Variants in YIF1B observed in about 807,000 individuals in gnomAD.
The protein encoded by YIF1B is Yip1 interacting factor homolog B, membrane trafficking protein, also known as protein YIF1B.
Under a neutral mutation model 34.6 loss-of-function variants are expected in YIF1B, and 24 were observed. That is an observed-to-expected ratio of 0.69 (90% CI 0.50 to 0.98). The LOEUF is 0.98. YIF1B is among the 50% of genes least tolerant of loss of function. The pLI is 0.00. For synonymous variants in YIF1B, 186 were observed against 184.8 expected (o/e 1.01, Z -0.05); for missense variants, 368 against 429.4 (o/e 0.86, Z 1.26).
chr19:38,304,925 CAAG>C lies in YIF1B; in HGVS notation c.*424_*426del, dbSNP rs752832965. On this transcript the variant is annotated 3_prime_UTR_variant, in exon 8 of 8. Coordinates refer to ENST00000339413, the MANE Select transcript of YIF1B (RefSeq NM_001039672.3). ...CCAAAGTGAAGAAGAAGGAGAAGGGCAAGAAGGAGAAGGGCAAGAAGAAGGAGG... is the reference window on the plus strand; with the variant it reads ...CCAAAGTGAAGAAGAAGGAGAAGGGCAAGGAGAAGGGCAAGAAGAAGGAGG... 26 of 1,612,366 alleles carry C rather than the reference CAAG, an allele frequency of 1.6e-5. No individual in the cohort carries two copies. Among genetic ancestry groups the C allele is most frequent in the Non-Finnish European group, 2.0e-5 (24 of 1,179,392 alleles).
intron 5 of YIF1B, among the ~76,000 whole-genome samples, chr19:38,308,227 G>A (rs1023100303): frequency 2.6e-5 from 4 of 152,182 alleles, no homozygotes; most frequent in African/African-American, 9.7e-5. Flanking sequence ...TACTGGAATG[G>A]AGCCAGCAGG....
At chr19:38,321,397 A>C (rs1349090348), upstream of YIF1B, among the ~76,000 whole-genome samples, 1 of 152,168 alleles carries the variant, frequency 6.6e-6, no homozygotes, top group African/African-American at 2.4e-5. Context: ...CTCTCAATGC[A>C]GGATTTTCCT....
Position 38,307,685 on chromosome 19 carries a change from C to A in YIF1B, c.607G>T (p.Ala203Ser), listed in dbSNP as rs1215754074. Reference sequence around the variant, plus strand: ...ACCAGATAGAGGCTGAGCAGGATGGCCAGCACCTCCAGGGTCAGCCAGGCC... The same window carrying A: ...ACCAGATAGAGGCTGAGCAGGATGGACAGCACCTCCAGGGTCAGCCAGGCC... ...ALAWLTLEVL[A>S]ILLSLYLVTV... Residue 203 changes from alanine to serine, a missense_variant, in exon 6 of 8, where the codon GCC becomes TCC. Around this residue, in one of 3 missense-constraint regions of YIF1B, gnomAD observed 208 missense variants for 247.8 expected, o/e 0.84. Coordinates refer to ENST00000339413, the MANE Select transcript of YIF1B (RefSeq NM_001039672.3). 1 of 1,613,432 alleles carries A rather than the reference C, an allele frequency of 6.2e-7. No homozygotes were observed. The highest frequency in any genetic ancestry group is 1.1e-5 in the South Asian group (1 of 91,080).
rs887931950 is a variant in YIF1B, at chr19:38,315,341, A to G, written c.58+519T>C. On this transcript the variant is annotated intron_variant, in intron 1 of 7. Transcript: ENST00000339413. The stretch of plus-strand genomic sequence containing the variant: ...TGTGCCTCCTCAGGGCTCCCACAAC[A>G]TCTCCATCCCAACACAGGGCCTGAC... 5 of 1,069,400 alleles carry G rather than the reference A, an allele frequency of 4.7e-6. No homozygotes were observed. In the African/African-American group the frequency reaches 6.7e-5, roughly 14 times the overall value. 66.2% of individuals were successfully genotyped at this position (1,069,400 alleles called of 1,614,324 possible).
Position 38,304,692 on chromosome 19 carries a change from G to A in YIF1B, c.*660C>T. On this transcript the variant is annotated 3_prime_UTR_variant, in exon 8 of 8. Coordinates refer to ENST00000339413, the MANE Select transcript of YIF1B (RefSeq NM_001039672.3). ...ATTCGGACACGGATGTGAAGGTAAG[G>A]GGCTCTCGCCAGCGTCCCCAAGCAC... 6.2e-7 allele frequency: 1 copy of A among 1,613,680 alleles called. No individual in the cohort carries two copies. Among genetic ancestry groups the A allele is most frequent in the Non-Finnish European group, 8.5e-7 (1 of 1,179,990 alleles).
intron 1 of YIF1B, among the ~76,000 whole-genome samples, chr19:38,313,220 G>A (rs1394954074): frequency 6.6e-6 from 1 of 151,488 alleles, no homozygotes; most frequent in Non-Finnish European, 1.5e-5. Flanking sequence ...CCAAAGTGCT[G>A]GGATTACAGG....
upstream of YIF1B, chr19:38,320,024 T>C (rs1600419114): frequency 8.0e-6 from 12 of 1,491,922 alleles, no homozygotes; most frequent in South Asian, 1.5e-4. Flanking sequence ...GCGCTGTTGG[T>C]GGCGCGGCTG....
In YIF1B at chr19:38,304,940, C is replaced by G. The variant is rs1568350802; in HGVS notation, c.*412G>C. 1 of 1,610,810 alleles carries G rather than the reference C, an allele frequency of 6.2e-7. No individual in the cohort carries two copies. Reference sequence around the variant, plus strand: ...AGGAGAAGGGCAAGAAGGAGAAGGGCAAGAAGAAGGAGGCTCCCCACTGAA... The same window carrying G: ...AGGAGAAGGGCAAGAAGGAGAAGGGGAAGAAGAAGGAGGCTCCCCACTGAA... On this transcript the variant is annotated 3_prime_UTR_variant, in exon 8 of 8. Coordinates refer to ENST00000339413, the MANE Select transcript of YIF1B (RefSeq NM_001039672.3).
Position 38,307,754 on chromosome 19 carries a change from T to C in YIF1B, c.540-2A>G. The C allele has an allele frequency of 1.9e-6, 3 of 1,610,938 alleles. No homozygotes were observed. In the South Asian group the frequency reaches 3.3e-5, roughly 18 times the overall value. On this transcript the variant is annotated splice_acceptor_variant, in intron 5 of 7. Coordinates refer to ENST00000339413, the MANE Select transcript of YIF1B (RefSeq NM_001039672.3). LOFTEE classifies it high-confidence loss of function. ...AGCCCCAGGAGGTCTGGGGAGAACC[T>C]GCAGGCACAAAGCCCCGCCACTTGG...
rs11878474 is a variant in YIF1B at position 38,304,180 on chromosome 19, G to A, written c.*1172C>T. On this transcript the variant is annotated 3_prime_UTR_variant, in exon 8 of 8. Transcript: ENST00000339413. ...CGTCTCAGCATTCCTCCAACGGGCA[G>A]GTCTCAGCGCTCCTCCCCCTGCTCC... 4 of 1,555,654 alleles carry A rather than the reference G, an allele frequency of 2.6e-6. No homozygotes were observed. The African/African-American group carries it at 4.1e-5, about 16-fold the overall frequency.
chr19:38,315,537 G>A, intron 1 of YIF1B: 1 of 1,459,354 alleles, frequency 6.9e-7, no homozygotes, highest in Non-Finnish European at 9.0e-7. Flanking sequence ...TGTCCTAAGG[G>A]TGTGGGCGAC....
upstream of YIF1B, chr19:38,320,102 G>C (rs1044102944): frequency 6.4e-7 from 1 of 1,564,278 alleles, no homozygotes; most frequent in African/African-American, 1.4e-5. Flanking sequence ...CTTCAGCGCA[G>C]CCCGTGTGTG....
chr19:38,321,771 T>C (rs1969654333), upstream of YIF1B, among the ~76,000 whole-genome samples: 1 of 152,240 alleles, frequency 6.6e-6, no homozygotes, highest in African/African-American at 2.4e-5. Context: ...CTGCCCATGC[T>C]GCCAGGGCGG....
rs1968960858 is a variant in YIF1B at position 38,305,345 on chromosome 19, G to A, written c.*7C>T. On this transcript the variant is annotated 3_prime_UTR_variant, in exon 8 of 8. Coordinates refer to ENST00000339413, the MANE Select transcript of YIF1B (RefSeq NM_001039672.3). ...AGCAGCAGCAGCGGGAGGTTCAGCGGGCGCGCTCACCGCACCAGGTGGAAG... is the reference window on the plus strand; with the variant it reads ...AGCAGCAGCAGCGGGAGGTTCAGCGAGCGCGCTCACCGCACCAGGTGGAAG... 2 of 1,599,910 alleles carry A rather than the reference G, an allele frequency of 1.3e-6. No homozygotes were observed. Among genetic ancestry groups the A allele is most frequent in the South Asian group, 2.2e-5 (2 of 90,618 alleles).
upstream of YIF1B, chr19:38,320,036 A>AG: frequency 1.3e-6 from 2 of 1,498,380 alleles, no homozygotes; most frequent in Non-Finnish European, 1.8e-6. Context: ...GCGCGGCTGG[A>AG]GGGGCCGCAC....
Position 38,309,602 on chromosome 19 carries a change from C to T in YIF1B, c.100G>A (p.Asp34Asn), listed in dbSNP as rs745919520. ...GTGTCATCGAAAAGCTGGTGGGGGT[C>T]GGCCATGCCCGGCTGGGACACAGGG... ...RIPVSQPGMA[D>N]PHQLFDDTSS... The change falls in exon 2 of 8, where the codon GAC becomes AAC. Residue 34 changes from aspartate (D) to asparagine (N), a missense_variant. Asp to Asn is a conservative substitution (Grantham distance 23). Around this residue, in one of 3 missense-constraint regions of YIF1B, gnomAD observed 153 missense variants for 156.7 expected, o/e 0.98. Coordinates refer to ENST00000339413, the MANE Select transcript of YIF1B (RefSeq NM_001039672.3). The T allele has an allele frequency of 5.0e-6, 8 of 1,598,076 alleles. No individual in the cohort carries two copies. The highest frequency in any genetic ancestry group is 2.3e-5 in the East Asian group (1 of 44,330).
In YIF1B at chr19:38,304,910, G is replaced by GAAGAAGGAGAAGGGC. The variant is rs147127327; in HGVS notation, c.*427_*441dup. 91,053 of 1,571,236 alleles carry GAAGAAGGAGAAGGGC rather than the reference G, an allele frequency of 0.058. 5,000 individuals are homozygous for GAAGAAGGAGAAGGGC. The highest frequency in any genetic ancestry group is 0.32 in the East Asian group (13,975 of 43,188). On this transcript the variant is annotated 3_prime_UTR_variant, in exon 8 of 8. Transcript: ENST00000339413. ...GCAAGGCCAAGAAGCCCAAAGTGAA[G>GAAGAAGGAGAAGGGC]AAGAAGGAGAAGGGCAAGAAGGAGA... is the stretch of plus-strand genomic sequence containing the variant.
At chr19:38,317,014 A>G (rs1188734270), upstream of YIF1B, 1 of 152,228 alleles carries the variant, frequency 6.6e-6, no homozygotes, top group Non-Finnish European at 1.5e-5. Flanking sequence ...AGGTGAGAAG[A>G]ACCAGGTGTC....
intron 4 of YIF1B, 38 bp from the exon 5 acceptor site, chr19:38,308,887 G>C (rs1484042186): frequency 6.2e-7 from 1 of 1,613,630 alleles, no homozygotes; most frequent in Non-Finnish European, 8.5e-7. Context: ...GTCACCAGAG[G>C]AAGAACTGCC....
Sources: allele counts gnomAD v4.1 joint callset (sites outside exome capture counted in the v4.1 genomes callset), GRCh38; gene constraint gnomAD v4.1.1; regional missense constraint gnomAD v4.1.1; transcripts MANE v1.5; gene names NCBI Gene and HGNC (gene_info 2026-07-23, HGNC 2026-07-21).